The following NUDCD3 variants were observed in gnomAD, a reference collection of about 807,000 sequenced individuals.
The protein encoded by NUDCD3 is nudC domain-containing protein 3.
In NUDCD3, 13 loss-of-function variants were observed where a neutral mutation model predicts 39.7. The ratio of observed to expected loss-of-function variants is 0.33; its 90% CI spans 0.21 to 0.52. The LOEUF is 0.52. Among genes scored for constraint, NUDCD3 ranks in the 20% least tolerant of loss-of-function variants. The pLI, the probability that NUDCD3 is intolerant of heterozygous loss-of-function variation, is 0.96. For synonymous variants in NUDCD3, 175 were observed against 172.4 expected, an observed-to-expected ratio of 1.02 and a Z score of -0.12; for missense variants, 453 against 458.1, an observed-to-expected ratio of 0.99 and a Z score of 0.10.
intron 2 of NUDCD3, chr7:44,467,891 G>C: frequency 1.9e-6 from 3 of 1,602,102 alleles, no homozygotes; most frequent in Non-Finnish European, 2.5e-6. Flanking sequence ...TCTCCTCCTC[G>C]GCATCATGGC....
At chr7:44,426,535 G>A (rs749504195) in intron 3 of NUDCD3, among the ~76,000 whole-genome samples, 8 of 152,154 alleles carry the variant, frequency 5.3e-5, no homozygotes, top group Non-Finnish European at 1.0e-4. Flanking sequence ...GGTGGCTCAC[G>A]CCTGTAATCC....
chr7:44,487,729 TC>T (rs1279073660), intron 1 of NUDCD3, among the ~76,000 whole-genome samples: 1 of 150,000 alleles, frequency 6.7e-6, no homozygotes, highest in East Asian at 2.0e-4. Context: ...AGGCGGGTGA[TC>T]ACCTGAGGTC....
rs115087593 is a variant in NUDCD3 at position 44,456,564 on chromosome 7, T to C, written c.509+28404A>G. Among the ~76,000 whole-genome samples the C allele has an allele frequency of 8.2e-3, 1,237 of 151,234 alleles. 10 individuals are homozygous for C. The highest frequency in any genetic ancestry group is 0.027 in the African/African-American group (1,132 of 41,196). On this transcript the variant is annotated intron_variant, in intron 2 of 5. Coordinates refer to ENST00000355451, the MANE Select transcript of NUDCD3 (RefSeq NM_015332.4). ...TGGGAGGACGGCTTGAACCCAGGAGTTCAAGACCAGCCTAGGCAACATATC... is the reference window on the plus strand; with the variant it reads ...TGGGAGGACGGCTTGAACCCAGGAGCTCAAGACCAGCCTAGGCAACATATC...
chr7:44,484,896 A>G, intron 2 of NUDCD3, 72 bp downstream of exon 2: 3 of 1,159,896 alleles, frequency 2.6e-6, no homozygotes, highest in Non-Finnish European at 2.5e-6. Context: ...CAAAGTAAGA[A>G]TAAATTATGG....
Position 44,379,209 on chromosome 7 carries a change from T to C in NUDCD3, c.*6802A>G, listed in dbSNP as rs937484724. 1.3e-5 allele frequency: 2 copies of C among 151,934 alleles called. No individual in the cohort carries two copies. Among genetic ancestry groups the C allele is most frequent in the Admixed American group, 6.6e-5 (1 of 15,262 alleles). The allele number at this position is 151,934 out of a possible 1,614,324, so 9.4% of individuals were successfully genotyped here. ...GGTGCACACTTACAGTCCCAGCTAC[T>C]TGGGAGGCTGAAGCAGGAGGATCAC... On this transcript the variant is annotated 3_prime_UTR_variant, in exon 6 of 6. Transcript: ENST00000355451.
At chr7:44,395,483 TTATC>T (rs1174705320) in intron 4 of NUDCD3, among the ~76,000 whole-genome samples, 1 of 152,214 alleles carries the variant, frequency 6.6e-6, no homozygotes, top group African/African-American at 2.4e-5. Flanking sequence ...ACCATCACCT[TTATC>T]TAGTTTCAAA....
intron 2 of NUDCD3, among the ~76,000 whole-genome samples, chr7:44,444,463 C>G (rs781319006): frequency 1.4e-4 from 21 of 152,318 alleles, no homozygotes; most frequent in Admixed American, 3.9e-4. Context: ...TGAGAAGCCT[C>G]ACACAAGTGC....
At chr7:44,475,095 A>G (rs1800336902) in intron 2 of NUDCD3, among the ~76,000 whole-genome samples, 1 of 152,004 alleles carries the variant, frequency 6.6e-6, no homozygotes, top group Admixed American at 6.5e-5. Context: ...TCAACAGTGT[A>G]CATCACAAAT....
At chr7:44,417,384 TC>T (rs1204415661) in intron 3 of NUDCD3, among the ~76,000 whole-genome samples, 1 of 152,186 alleles carries the variant, frequency 6.6e-6, no homozygotes, top group East Asian at 1.9e-4. Context: ...AGACACCATT[TC>T]CAGTGGGGAG....
chr7:44,443,797 G>A (rs1300539723), intron 2 of NUDCD3, among the ~76,000 whole-genome samples: 4 of 152,138 alleles, frequency 2.6e-5, no homozygotes, highest in African/African-American at 9.7e-5. Flanking sequence ...CCCAGGTGCT[G>A]CTCGGGATAG....
At chr7:44,453,810 A>C (rs1341596200) in intron 2 of NUDCD3, among the ~76,000 whole-genome samples, 1 of 150,992 alleles carries the variant, frequency 6.6e-6, no homozygotes. Flanking sequence ...TTGGGAGGCC[A>C]AGGGAGTAGG....
At position 44,392,386 on chromosome 7, in the gene NUDCD3, T is replaced by G; in HGVS notation, c.886A>C (p.Thr296Pro). 1 of 1,614,108 alleles carries G rather than the reference T, an allele frequency of 6.2e-7. No individual in the cohort carries two copies. Among genetic ancestry groups the G allele is most frequent in the Non-Finnish European group, 8.5e-7 (1 of 1,179,992 alleles). ...ACCGCCTGTTCCTCCTCATCCACGG[T>G]GGCCATGGAGCGCTCCTTGTTGATC... is the stretch of plus-strand genomic sequence containing the variant. ...DKINKERSMA[T>P]VDEEEQAVLD... Residue 296 changes from threonine (T) to proline (P), a missense_variant, in exon 5 of 6, where the codon ACC becomes CCC. By Grantham distance (38) the Thr-to-Pro change is conservative. Coordinates refer to ENST00000355451, the MANE Select transcript of NUDCD3 (RefSeq NM_015332.4).
chr7:44,387,027 T>G (rs1198236694), intron 5 of NUDCD3, among the ~76,000 whole-genome samples: 4 of 152,206 alleles, frequency 2.6e-5, no homozygotes, highest in Admixed American at 2.6e-4. Flanking sequence ...CAGTAGTTAT[T>G]CTACCAATAT....
intron 2 of NUDCD3, chr7:44,481,211 G>A (rs1027345030): frequency 6.6e-6 from 1 of 152,092 alleles, no homozygotes; most frequent in Non-Finnish European, 1.5e-5. Flanking sequence ...TGGTATCCAC[G>A]AGGGACCAGG....
chr7:44,432,809 T>C (rs1245635929), intron 2 of NUDCD3, among the ~76,000 whole-genome samples: 6 of 152,196 alleles, frequency 3.9e-5, no homozygotes, highest in Non-Finnish European at 1.5e-5. Context: ...TTATCCCAGG[T>C]GTAAGAGCTG....
chr7:44,441,303 C>G (rs1169819567), intron 2 of NUDCD3, among the ~76,000 whole-genome samples: 3 of 152,186 alleles, frequency 2.0e-5, no homozygotes, highest in Non-Finnish European at 2.9e-5. Flanking sequence ...AGCATGACAA[C>G]ACTGGATTTT....
intron 2 of NUDCD3, among the ~76,000 whole-genome samples, chr7:44,479,157 G>C (rs2116976366): frequency 1.3e-5 from 2 of 152,258 alleles, no homozygotes; most frequent in East Asian, 3.9e-4. Context: ...CTCCCACCGG[G>C]TCCCTCCCAT....
chr7:44,473,842 C>G (rs1460626599), intron 2 of NUDCD3, among the ~76,000 whole-genome samples: 1 of 151,836 alleles, frequency 6.6e-6, no homozygotes, highest in African/African-American at 2.4e-5. Flanking sequence ...ATTTACTTTA[C>G]CAAATAAATT....
At chr7:44,451,988 A>T (rs902460347) in intron 2 of NUDCD3, among the ~76,000 whole-genome samples, 2 of 152,210 alleles carry the variant, frequency 1.3e-5, no homozygotes, top group Non-Finnish European at 2.9e-5. Context: ...AAAAAAAAGC[A>T]CAGTCAAGAG....
Sources: allele counts gnomAD v4.1 joint callset (sites outside exome capture counted in the v4.1 genomes callset), GRCh38; gene constraint gnomAD v4.1.1; transcripts MANE v1.5; gene names NCBI Gene and HGNC (gene_info 2026-07-23, HGNC 2026-07-21).